Variants in ERBB4 observed in about 807,000 individuals in gnomAD.
The protein encoded by ERBB4 is erb-b2 receptor tyrosine kinase 4.
In ERBB4, 42 loss-of-function variants were observed where a neutral mutation model predicts 158.0. That is an observed-to-expected ratio of 0.27 (90% CI 0.21 to 0.34). The LOEUF is 0.34. ERBB4 is among the 10% of genes least tolerant of loss of function. The probability of loss-of-function intolerance (pLI) is 1.00; values close to 1 mark genes in which losing one functional copy is unlikely to be tolerated. For missense variants in ERBB4, 1,333 were observed against 1,624.1 expected (o/e 0.82, Z 3.08); for synonymous variants, 583 against 558.7 (o/e 1.04, Z -0.61).
intron 20 of ERBB4, among the ~76,000 whole-genome samples, chr2:211,462,875 C>T (rs1275811974): frequency 6.6e-6 from 1 of 152,134 alleles, no homozygotes; most frequent in Non-Finnish European, 1.5e-5. Flanking sequence ...TTCAATCCAA[C>T]CTCAAGCTAT....
chr2:212,188,219 T>TCG (rs1203764670), intron 1 of ERBB4, among the ~76,000 whole-genome samples: 5 of 32,894 alleles, frequency 1.5e-4, no homozygotes, highest in South Asian at 5.9e-3. Context: ...TCTCTCTCTC[T>TCG]CTCTCTCTCT....
rs1192547721 is a variant in ERBB4, at chr2:211,430,843, C to A, written c.2643+102G>T. ...AATGGTAGAACCAAGGCTTAATAATCTCCTAAGCTTCAGGCTTATTGGTTT... is the reference window on the plus strand; with the variant it reads ...AATGGTAGAACCAAGGCTTAATAATATCCTAAGCTTCAGGCTTATTGGTTT... On this transcript the variant is annotated intron_variant, in intron 21 of 27. Transcript: ENST00000342788. 6 of 1,028,422 alleles carry A rather than the reference C, an allele frequency of 5.8e-6. No individual in the cohort carries two copies. In the Admixed American group the frequency reaches 8.8e-5, roughly 15 times the overall value. 63.7% of individuals were successfully genotyped at this position (1,028,422 alleles called of 1,614,324 possible).
At chr2:212,220,793 C>T (rs2083267198) in intron 1 of ERBB4, among the ~76,000 whole-genome samples, 2 of 151,404 alleles carry the variant, frequency 1.3e-5, no homozygotes, top group Non-Finnish European at 3.0e-5. Context: ...CAATGATATA[C>T]TTTCATTGTT....
intron 1 of ERBB4, among the ~76,000 whole-genome samples, chr2:212,419,260 A>T (rs6727289): frequency 6.6e-6 from 1 of 151,944 alleles, no homozygotes. Flanking sequence ...TACGAATGAC[A>T]CTACATGCTG....
intron 2 of ERBB4, among the ~76,000 whole-genome samples, chr2:212,080,969 T>A (rs1197402579): frequency 6.6e-6 from 1 of 152,182 alleles, no homozygotes; most frequent in Non-Finnish European, 1.5e-5. Context: ...ATTTGGAACA[T>A]TCTTCATAGA....
At position 212,366,509 on chromosome 2, in the gene ERBB4, G is replaced by T. The variant is rs377574053; in HGVS notation, c.82+171940C>A. ...CCAGATCATAAAACACATGAATTCA[G>T]GGAGATCTATGGCTACCACAAACCA... On this transcript the variant is annotated intron_variant, in intron 1 of 27. Transcript: ENST00000342788. Among the ~76,000 whole-genome samples, 18 of 152,052 alleles carry T rather than the reference G, an allele frequency of 1.2e-4. No individual in the cohort carries two copies. In the East Asian group the frequency reaches 2.1e-3, roughly 18 times the overall value.
rs113170374 is a variant in ERBB4, at chr2:212,355,679, G to A, written c.82+182770C>T. ...AAATAAACAGGTAGTCATCTTGTCAGTATGGAGTTTATTATAGGTTGTAAC... is the reference window on the plus strand; with the variant it reads ...AAATAAACAGGTAGTCATCTTGTCAATATGGAGTTTATTATAGGTTGTAAC... On this transcript the variant is annotated intron_variant, in intron 1 of 27. Coordinates refer to ENST00000342788, the MANE Select transcript of ERBB4 (RefSeq NM_005235.3). Among the ~76,000 whole-genome samples, 7 of 152,086 alleles carry A rather than the reference G, an allele frequency of 4.6e-5. 1 individual carries two copies. The highest frequency in any genetic ancestry group is 1.7e-4 in the African/African-American group (7 of 41,522).
chr2:212,495,500 G>C (rs1455031232), intron 1 of ERBB4, among the ~76,000 whole-genome samples: 1 of 152,168 alleles, frequency 6.6e-6, no homozygotes, highest in Non-Finnish European at 1.5e-5. Flanking sequence ...AAGGAACACT[G>C]TATGTGTCTT....
intron 17 of ERBB4, among the ~76,000 whole-genome samples, chr2:211,628,185 T>C (rs2069937092): frequency 6.6e-6 from 1 of 150,826 alleles, no homozygotes; most frequent in Non-Finnish European, 1.5e-5. Flanking sequence ...TTAATTATTA[T>C]ACTTTAAGTT....
intron 1 of ERBB4, among the ~76,000 whole-genome samples, chr2:212,517,086 A>G (rs1488621729): frequency 6.6e-6 from 1 of 152,162 alleles, no homozygotes; most frequent in Non-Finnish European, 1.5e-5. Context: ...GAGTTTGTGA[A>G]TTACAGATGA....
At chr2:212,271,554 C>G (rs2085344217) in intron 1 of ERBB4, among the ~76,000 whole-genome samples, 1 of 151,652 alleles carries the variant, frequency 6.6e-6, no homozygotes, top group Non-Finnish European at 1.5e-5. Context: ...TTCAAAATCA[C>G]AAAGCAAAAT....
chr2:212,461,513 C>T lies in ERBB4; in HGVS notation c.82+76936G>A, dbSNP rs139694686. Among the ~76,000 whole-genome samples, 704 of 152,236 alleles carry T rather than the reference C, an allele frequency of 4.6e-3. 7 individuals are homozygous for T. The East Asian group carries it at 0.049, about 11-fold the overall frequency. ...ACTGTATATACCCAATGTTTGTACC[C>T]CCACTCTATTTAGGAAGTAAGCTAA... On this transcript the variant is annotated intron_variant, in intron 1 of 27. Coordinates refer to ENST00000342788, the MANE Select transcript of ERBB4 (RefSeq NM_005235.3).
At chr2:211,875,204 A>G (rs775240096) in intron 3 of ERBB4, among the ~76,000 whole-genome samples, 18 of 152,212 alleles carry the variant, frequency 1.2e-4, no homozygotes, top group African/African-American at 4.3e-4. Flanking sequence ...TCATTAATAA[A>G]ATACCATTCA....
At chr2:212,082,823 T>C (rs1190088459) in intron 2 of ERBB4, among the ~76,000 whole-genome samples, 3 of 152,042 alleles carry the variant, frequency 2.0e-5, no homozygotes, top group Non-Finnish European at 4.4e-5. Context: ...TAAATGCATA[T>C]TGGAATTACT....
intron 1 of ERBB4, among the ~76,000 whole-genome samples, chr2:212,379,400 C>T (rs10185241): frequency 0.57 from 86,137 of 151,262 alleles, 25,708 homozygotes; most frequent in African/African-American, 0.73. Flanking sequence ...CAAATATCTA[C>T]GAAATAAGAA....
Position 211,816,722 on chromosome 2 carries a change from CACT to C in ERBB4, c.422-28566_422-28564del, listed in dbSNP as rs375290741. 2.1e-3 allele frequency among the ~76,000 whole-genome samples: 319 copies of C among 152,146 alleles called. 1 individual carries two copies. The highest frequency in any genetic ancestry group is 7.3e-3 in the African/African-American group (301 of 41,508). On this transcript the variant is annotated intron_variant, in intron 3 of 27. Coordinates refer to ENST00000342788, the MANE Select transcript of ERBB4 (RefSeq NM_005235.3). ...TTATATCACATAAACGGACCACCAC[CACT>C]ACCAGTCACCACTACTACCACCAAC...
chr2:211,743,201 A>T, intron 5 of ERBB4, among the ~76,000 whole-genome samples: 1 of 152,220 alleles, frequency 6.6e-6, no homozygotes, highest in East Asian at 1.9e-4. Context: ...TCACTTATAA[A>T]GCAACTTAGA....
At chr2:211,443,573 A>T (rs1369475385) in intron 20 of ERBB4, among the ~76,000 whole-genome samples, 1 of 152,206 alleles carries the variant, frequency 6.6e-6, no homozygotes, top group African/African-American at 2.4e-5. Flanking sequence ...GGTTAAAAGC[A>T]CATATCATAA....
chr2:212,489,478 C>G (rs1690156807), intron 1 of ERBB4, among the ~76,000 whole-genome samples: 1 of 151,906 alleles, frequency 6.6e-6, no homozygotes, highest in Non-Finnish European at 1.5e-5. Context: ...ATCAACATTC[C>G]ATGGGATATT....
Sources: allele counts gnomAD v4.1 joint callset (sites outside exome capture counted in the v4.1 genomes callset), GRCh38; gene constraint gnomAD v4.1.1; transcripts MANE v1.5; gene names NCBI Gene and HGNC (gene_info 2026-07-23, HGNC 2026-07-21).